The following ACOX3 variants were observed in gnomAD, a reference collection of about 807,000 sequenced individuals.
ACOX3 encodes peroxisomal acyl-coenzyme A oxidase 3.
ACOX3 carries 73 observed loss-of-function variants against 81.5 expected under a neutral mutation model. The ratio of observed to expected loss-of-function variants is 0.90; its 90% CI spans 0.74 to 1.09. ACOX3 has a LOEUF of 1.09. Ranked by LOEUF, ACOX3 falls within the 50% of genes least tolerant of loss-of-function variation. The pLI, the probability that ACOX3 is intolerant of heterozygous loss-of-function variation, is 0.00. For synonymous variants in ACOX3, 387 were observed against 375.1 expected (o/e 1.03, Z -0.37); for missense variants, 947 against 928.0 (o/e 1.02, Z -0.27).
chr4:8,382,158 C>G lies in ACOX3; in HGVS notation c.1538-551G>C, dbSNP rs953307627. On this transcript the variant is annotated intron_variant, in intron 13 of 17. Coordinates refer to ENST00000356406, the MANE Select transcript of ACOX3 (RefSeq NM_003501.3). The surrounding 1 kb of genome is among the most constrained non-coding windows in gnomAD (Gnocchi z 4.1). ...GAGGGGGGAACCTAAGGCCTCACCC[C>G]CTGCGTGGCCCCTTCCACAAAGCTC... Among the ~76,000 whole-genome samples, 2 of 152,212 alleles carry G rather than the reference C, an allele frequency of 1.3e-5. No individual in the cohort carries two copies. The highest frequency in any genetic ancestry group is 2.9e-5 in the Non-Finnish European group (2 of 68,020).
Position 8,389,846 on chromosome 4 carries a change from T to C in ACOX3, c.1301-112A>G. 2.1e-6 allele frequency: 3 copies of C among 1,423,752 alleles called. No individual in the cohort carries two copies. The highest frequency in any genetic ancestry group is 2.9e-6 in the Non-Finnish European group (3 of 1,044,256). 88.2% of individuals were successfully genotyped at this position (1,423,752 alleles called of 1,614,324 possible). A position where few individuals can be genotyped will look rare whatever the true frequency, so the allele number is the denominator to read the frequency against. On this transcript the variant is annotated intron_variant, in intron 11 of 17. Coordinates refer to ENST00000356406, the MANE Select transcript of ACOX3 (RefSeq NM_003501.3). The surrounding 1 kb of genome is among the most constrained non-coding windows in gnomAD (Gnocchi z 5.3). The stretch of plus-strand genomic sequence containing the variant: ...GAGGCTGGGTGCGGTGGCTCACACC[T>C]GTAATGGCAGCACTTTGGGGGGCCG...
rs1719780221 is a variant in ACOX3, at chr4:8,397,036, T to C, written c.957A>G (p.Leu319=). ...VSIVSLAILN[L]KLAVAIALRF... ...GAAGAGCGATGGCCACGGCCAGCTT[T>C]AGGTTAAGGATGGCCAGGCTCACGA... Residue 319 remains leucine, a synonymous_variant, in exon 9 of 18, where the codon CTA becomes CTG. Coordinates refer to ENST00000356406, the MANE Select transcript of ACOX3 (RefSeq NM_003501.3). 4 of 1,611,090 alleles carry C rather than the reference T, an allele frequency of 2.5e-6. No homozygotes were observed. The highest frequency in any genetic ancestry group is 2.7e-5 in the African/African-American group (2 of 74,848).
intron 1 of ACOX3, among the ~76,000 whole-genome samples, chr4:8,433,273 C>T (rs904109343): frequency 2.0e-5 from 3 of 152,240 alleles, no homozygotes; most frequent in African/African-American, 4.8e-5. Flanking sequence ...TGAGATTATA[C>T]TGGATTAGGG....
rs1318569828 is a variant in ACOX3 at position 8,416,526 on chromosome 4, T to A, written c.-5A>T. ...TCCTTCCACAGTGGATGCCATCGCG[T>A]GATAAGAGCCTGCACAAAACATGCA... On this transcript the variant is annotated 5_prime_UTR_variant, in exon 2 of 18. Coordinates refer to ENST00000356406, the MANE Select transcript of ACOX3 (RefSeq NM_003501.3). The surrounding 1 kb of genome is among the most constrained non-coding windows in gnomAD (Gnocchi z 4.2). 3.8e-6 allele frequency: 6 copies of A among 1,599,268 alleles called. No homozygotes were observed. The African/African-American group carries it at 6.7e-5, about 18-fold the overall frequency.
At chr4:8,404,560 C>T (rs1720720573) in intron 7 of ACOX3, among the ~76,000 whole-genome samples, 1 of 151,880 alleles carries the variant, frequency 6.6e-6, no homozygotes, top group Non-Finnish European at 1.5e-5. Flanking sequence ...CAGTCTGGGG[C>T]CCTGCCTGTT....
At position 8,389,639 on chromosome 4, in the gene ACOX3, G is replaced by A; in HGVS notation, c.1396C>T (p.Leu466=). 6.2e-7 allele frequency: 1 copy of A among 1,614,012 alleles called. No homozygotes were observed. Among genetic ancestry groups the A allele is most frequent in the Non-Finnish European group, 8.5e-7 (1 of 1,180,020 alleles). Residue 466 remains leucine, a synonymous_variant, in exon 12 of 18, where the codon CTG becomes TTG. Coordinates refer to ENST00000356406, the MANE Select transcript of ACOX3 (RefSeq NM_003501.3). The surrounding 1 kb of genome is among the most constrained non-coding windows in gnomAD (Gnocchi z 5.3). ...ILLQQTSNYL[L]GLLAHQVHDG... is the part of the protein sequence containing the mutation. ...TGGACCTGGTGTGCCAGGAGACCCA[G>A]CAAATAGTTGCTTGTCTGCTGCAGC... is the stretch of plus-strand genomic sequence containing the variant.
Position 8,405,284 on chromosome 4 carries a change from G to A in ACOX3, c.776+671C>T, listed in dbSNP as rs530493218. On this transcript the variant is annotated intron_variant, in intron 7 of 17. Transcript: ENST00000356406. The surrounding 1 kb of genome is among the most constrained non-coding windows in gnomAD (Gnocchi z 7.1). ...TCCCACTGCTTCCTCCACCTGAAAC[G>A]CTGCACATTCCAAAATCACTGGCCA... 1.3e-5 allele frequency among the ~76,000 whole-genome samples: 2 copies of A among 152,236 alleles called. No homozygotes were observed. The highest frequency in any genetic ancestry group is 2.1e-4 in the South Asian group (1 of 4,820).
rs115776016 is a variant in ACOX3 at position 8,404,260 on chromosome 4, C to A, written c.776+1695G>T. ...TGCCAAGCGCCTCCCAGGCACCCTG[C>A]GAAAGTAGTCATTCAAGAGAACTGA... On this transcript the variant is annotated intron_variant, in intron 7 of 17. Transcript: ENST00000356406. Among the ~76,000 whole-genome samples, 95 of 152,268 alleles carry A rather than the reference C, an allele frequency of 6.2e-4. 1 individual carries two copies. Among genetic ancestry groups the A allele is most frequent in the Middle Eastern group, 6.8e-3 (2 of 294 alleles).
intron 8 of ACOX3, among the ~76,000 whole-genome samples, chr4:8,398,655 T>C (rs1453718556): frequency 6.6e-6 from 1 of 152,160 alleles, no homozygotes; most frequent in African/African-American, 2.4e-5. Flanking sequence ...TTTGCATTTT[T>C]AGTAGAGACG....
rs554467285 is a variant in ACOX3 at position 8,384,571 on chromosome 4, T to A, written c.1538-2964A>T. ...TCCATGTGCCTCACACCAGAAGGAC[T>A]CTCGAAGGTGCCCCCAGCCGCCCTG... On this transcript the variant is annotated intron_variant, in intron 13 of 17. Transcript: ENST00000356406. The surrounding 1 kb of genome is among the most constrained non-coding windows in gnomAD (Gnocchi z 5.3). Among the ~76,000 whole-genome samples the A allele has an allele frequency of 6.6e-6, 1 of 152,188 alleles. No individual in the cohort carries two copies. Among genetic ancestry groups the A allele is most frequent in the Admixed American group, 6.5e-5 (1 of 15,294 alleles).
chr4:8,394,832 G>C lies in ACOX3; in HGVS notation c.1057-90C>G. The C allele has an allele frequency of 6.7e-7, 1 of 1,489,066 alleles. No homozygotes were observed. The allele number at this position is 1,489,066 out of a possible 1,614,324, so 92.2% of individuals were successfully genotyped here. ...GACCATGAAAGCCAGTGCAGGGAGA[G>C]GCCGTCAGGGCCACACACCCACTAG... On this transcript the variant is annotated intron_variant, in intron 9 of 17. Coordinates refer to ENST00000356406, the MANE Select transcript of ACOX3 (RefSeq NM_003501.3). This position sits in a 1 kb window ranked among gnomAD's most constrained non-coding sequence, Gnocchi z 5.9.
In ACOX3 at chr4:8,370,713, G is replaced by A. The variant is rs959794896; in HGVS notation, c.1983+195C>T. ...CAGGCAGGGGATGGGCAAGTCCCCTGCAACCACAGAGCCAGCATGGGGAAG... is the reference window on the plus strand; with the variant it reads ...CAGGCAGGGGATGGGCAAGTCCCCTACAACCACAGAGCCAGCATGGGGAAG... On this transcript the variant is annotated intron_variant, in intron 17 of 17. Transcript: ENST00000356406. This position sits in a 1 kb window ranked among gnomAD's most constrained non-coding sequence, Gnocchi z 6.3. Among the ~76,000 whole-genome samples, 2 of 152,114 alleles carry A rather than the reference G, an allele frequency of 1.3e-5. No individual in the cohort carries two copies. The highest frequency in any genetic ancestry group is 4.8e-5 in the African/African-American group (2 of 41,424).
At chr4:8,436,053 T>TA (rs1295203065) in intron 1 of ACOX3, 4 of 152,228 alleles carry the variant, frequency 2.6e-5, no homozygotes, top group Non-Finnish European at 4.4e-5. Context: ...CTGTCTATTA[T>TA]AATGACCAAG....
rs575027160 is a variant in ACOX3, at chr4:8,429,376, G to A, written c.-15+11272C>T. 2.4e-4 allele frequency among the ~76,000 whole-genome samples: 36 copies of A among 152,328 alleles called. 1 individual carries two copies. Among genetic ancestry groups the A allele is most frequent in the Middle Eastern group, 6.8e-3 (2 of 294 alleles). On this transcript the variant is annotated intron_variant, in intron 1 of 17. Coordinates refer to ENST00000356406, the MANE Select transcript of ACOX3 (RefSeq NM_003501.3). ...AAACAATTTTACAGAAATAAAGTAG[G>A]CAAAAAAGTTAAAAGGATAAATGGT...
In ACOX3 at chr4:8,390,052, G is replaced by A. The variant is rs1468410035; in HGVS notation, c.1301-318C>T. ...TGGGAGGCGGAGGTTGCAGTGAGCC[G>A]AGATTGCGCAACTGCACTCCAGCCC... On this transcript the variant is annotated intron_variant, in intron 11 of 17. Transcript: ENST00000356406. Among the ~76,000 whole-genome samples, 8 of 147,592 alleles carry A rather than the reference G, an allele frequency of 5.4e-5. No individual in the cohort carries two copies. The East Asian group carries it at 1.4e-3, about 25-fold the overall frequency.
intron 8 of ACOX3, among the ~76,000 whole-genome samples, chr4:8,397,396 G>C (rs1056124761): frequency 2.6e-5 from 4 of 152,228 alleles, no homozygotes; most frequent in Non-Finnish European, 5.9e-5. Flanking sequence ...TGACAGCGCT[G>C]GGTGAGGGTG....
At chr4:8,391,259 C>CAA (rs1718964096) in intron 11 of ACOX3, among the ~76,000 whole-genome samples, 1 of 152,184 alleles carries the variant, frequency 6.6e-6, no homozygotes, top group Non-Finnish European at 1.5e-5. Context: ...CAGTAAGTGA[C>CAA]AAAGACAGAT....
Position 8,385,253 on chromosome 4 carries a change from C to T in ACOX3, c.1538-3646G>A, listed in dbSNP as rs1281346360. Among the ~76,000 whole-genome samples, 1 of 152,006 alleles carries T rather than the reference C, an allele frequency of 6.6e-6. No homozygotes were observed. Among genetic ancestry groups the T allele is most frequent in the Non-Finnish European group, 1.5e-5 (1 of 67,980 alleles). On this transcript the variant is annotated intron_variant, in intron 13 of 17. Transcript: ENST00000356406. The surrounding 1 kb of genome is among the most constrained non-coding windows in gnomAD (Gnocchi z 5.5). Reference sequence around the variant, plus strand: ...CACCTCATATGACCCCACTGCCCACCTCACATGACCTCACCATGCACTCCA... The same window carrying T: ...CACCTCATATGACCCCACTGCCCACTTCACATGACCTCACCATGCACTCCA...
chr4:8,372,501 TC>T (rs1716340375), intron 16 of ACOX3, among the ~76,000 whole-genome samples: 1 of 151,954 alleles, frequency 6.6e-6, no homozygotes, highest in East Asian at 1.9e-4. Flanking sequence ...CTCCATGGGG[TC>T]AACACTGCCC....
Sources: gnomAD v4.1 joint callset for allele counts (sites outside exome capture counted in the v4.1 genomes callset) on GRCh38, gnomAD v4.1.1 for gene constraint, Gnocchi (gnomAD v3.1) non-coding constraint, MANE v1.5 for transcripts, NCBI Gene and HGNC (gene_info 2026-07-23, HGNC 2026-07-21) for gene names.